Variants in EPHA10 observed in about 807,000 individuals in gnomAD.
EPHA10 encodes ephrin type-A receptor 10.
EPHA10 carries 120 observed loss-of-function variants against 109.7 expected under a neutral mutation model. The ratio of observed to expected loss-of-function variants is 1.09; its 90% CI spans 0.94 to 1.27. The LOEUF (loss-of-function observed/expected upper bound fraction) is 1.27. Ranked by LOEUF, EPHA10 falls within the 50% of genes most tolerant of loss-of-function variation. EPHA10 has a pLI of 0.00. For synonymous variants in EPHA10, 640 were observed against 618.9 expected, an observed-to-expected ratio of 1.03 and a Z score of -0.51; for missense variants, 1,396 against 1,411.1, an observed-to-expected ratio of 0.99 and a Z score of 0.17.
chr1:37,735,869 T>C (rs923258631), intron 5 of EPHA10, among the ~76,000 whole-genome samples: 2 of 152,124 alleles, frequency 1.3e-5, no homozygotes, highest in African/African-American at 4.8e-5. Flanking sequence ...AAAGGCCATA[T>C]ATGAAAAGCC....
At chr1:37,750,580 C>CTT (rs1224590675) in intron 5 of EPHA10, among the ~76,000 whole-genome samples, 2 of 141,836 alleles carry the variant, frequency 1.4e-5, no homozygotes, top group Admixed American at 7.1e-5. Flanking sequence ...CTGAATAAAA[C>CTT]TTTTTTTTTT....
intron 13 of EPHA10, 59 bp from the exon 14 acceptor site, chr1:37,720,117 C>A (rs887136142): frequency 2.5e-6 from 4 of 1,589,772 alleles, no homozygotes; most frequent in African/African-American, 1.3e-5. Flanking sequence ...GGTTTCCCCA[C>A]CCCACTGAGC....
intron 4 of EPHA10, among the ~76,000 whole-genome samples, chr1:37,753,773 G>A (rs955327916): frequency 3.9e-5 from 6 of 152,006 alleles, no homozygotes; most frequent in Non-Finnish European, 7.4e-5. Context: ...GGGGGCGTGG[G>A]GGCCCTTGGG....
rs1373780875 is a variant in EPHA10 at position 37,717,063 on chromosome 1, G to C, written c.*1309C>G. 7 of 155,662 alleles carry C rather than the reference G, an allele frequency of 4.5e-5. No homozygotes were observed. Among genetic ancestry groups the C allele is most frequent in the Non-Finnish European group, 8.2e-5 (6 of 72,762 alleles). The allele number at this position is 155,662 out of a possible 1,614,324, so 9.6% of individuals were successfully genotyped here. A position where few individuals can be genotyped will look rare whatever the true frequency, so the allele number is the denominator to read the frequency against. On this transcript the variant is annotated 3_prime_UTR_variant, in exon 17 of 17. Transcript: ENST00000373048. Reference sequence around the variant, plus strand: ...CACCAACACACAGCCAAGCAGAGCAGACAAGTGTCACGGGCGGCCTAAACA... The same window carrying C: ...CACCAACACACAGCCAAGCAGAGCACACAAGTGTCACGGGCGGCCTAAACA...
intron 7 of EPHA10, among the ~76,000 whole-genome samples, chr1:37,728,260 G>T (rs554864692): frequency 2.0e-5 from 3 of 152,266 alleles, no homozygotes; most frequent in South Asian, 2.1e-4. Flanking sequence ...GGAGGGAACT[G>T]GGGGAGCCAG....
intron 5 of EPHA10, among the ~76,000 whole-genome samples, chr1:37,745,847 C>A (rs369267697): frequency 7.9e-5 from 12 of 152,018 alleles, no homozygotes; most frequent in African/African-American, 2.9e-4. Flanking sequence ...AAGACTGTCT[C>A]AAAAAATACA....
intron 7 of EPHA10, among the ~76,000 whole-genome samples, chr1:37,728,860 C>A (rs1201968726): frequency 6.6e-6 from 1 of 152,004 alleles, no homozygotes; most frequent in Non-Finnish European, 1.5e-5. Context: ...AATAGAGTTG[C>A]CAAGAACTGT....
At chr1:37,738,952 G>A (rs1307256801) in intron 5 of EPHA10, among the ~76,000 whole-genome samples, 3 of 152,262 alleles carry the variant, frequency 2.0e-5, no homozygotes, top group East Asian at 3.9e-4. Flanking sequence ...GTTTTACAAT[G>A]AGATCACTTG....
At chr1:37,725,407 G>A (rs1289079287) in intron 8 of EPHA10, among the ~76,000 whole-genome samples, 1 of 150,274 alleles carries the variant, frequency 6.7e-6, no homozygotes, top group Non-Finnish European at 1.5e-5. Context: ...TCAGGAGGCC[G>A]AGGCAAAAGA....
rs778884079 is a variant in EPHA10, at chr1:37,718,355, G to C, written c.*17C>G. ...TGGACCCCCACCGGAGTCCTGCCTT[G>C]GAAGAATGGGGTCCACTCACACCTG... On this transcript the variant is annotated 3_prime_UTR_variant, in exon 17 of 17. Transcript: ENST00000373048. 4 of 1,581,138 alleles carry C rather than the reference G, an allele frequency of 2.5e-6. No homozygotes were observed.
chr1:37,730,784 C>T (rs1645969208), intron 7 of EPHA10, among the ~76,000 whole-genome samples: 1 of 151,944 alleles, frequency 6.6e-6, no homozygotes, highest in Non-Finnish European at 1.5e-5. Context: ...CTCTGCCTCC[C>T]GGTTTTAAGT....
Position 37,719,982 on chromosome 1 carries a change from C to T in EPHA10, c.2489G>A (p.Trp830Ter), listed in dbSNP as rs1348284690. The change falls in exon 14 of 17, where the codon TGG (tryptophan) becomes TAG (stop). Residue 830 changes from tryptophan to a stop codon, truncating the protein, a stop_gained. Transcript: ENST00000373048. LOFTEE classifies it high-confidence loss of function. ...CTCCCACATGATGATGCCGAAGCTC[C>T]ACACGTCACTGGCAGAGCTGAAGTG... is the stretch of plus-strand genomic sequence containing the variant. ...FGHFSSASDV[W>*]SFGIIMWEVM... 6.2e-7 allele frequency: 1 copy of T among 1,614,052 alleles called. No homozygotes were observed. The highest frequency in any genetic ancestry group is 1.7e-5 in the Admixed American group (1 of 60,026).
At chr1:37,762,159 T>A (rs1195388037) in intron 2 of EPHA10, 76 bp from the exon 3 acceptor site, 1 of 1,399,380 alleles carries the variant, frequency 7.1e-7, no homozygotes, top group Non-Finnish European at 9.7e-7. Flanking sequence ...CAGTGACTCC[T>A]GCTTTCTCTC....
At chr1:37,730,336 A>G (rs1250541940) in intron 7 of EPHA10, among the ~76,000 whole-genome samples, 2 of 152,132 alleles carry the variant, frequency 1.3e-5, no homozygotes, top group Non-Finnish European at 2.9e-5. Flanking sequence ...GGAAAGAATT[A>G]TTATCTTGAC....
chr1:37,755,476 G>T (rs1443367254), intron 3 of EPHA10, among the ~76,000 whole-genome samples: 1 of 152,152 alleles, frequency 6.6e-6, no homozygotes, highest in East Asian at 1.9e-4. Flanking sequence ...AGTCAGACCT[G>T]GTTCCAGTCT....
chr1:37,714,544 G>A (rs898513274), downstream of EPHA10, among the ~76,000 whole-genome samples: 2 of 152,148 alleles, frequency 1.3e-5, no homozygotes, highest in East Asian at 1.9e-4. Flanking sequence ...TCGCTGTTAC[G>A]GGTTGAATTG....
intron 5 of EPHA10, among the ~76,000 whole-genome samples, chr1:37,740,852 A>G (rs536146493): frequency 2.0e-5 from 3 of 152,214 alleles, no homozygotes; most frequent in Non-Finnish European, 4.4e-5. Context: ...AGGAGCCATG[A>G]TAAGGTGAAG....
At chr1:37,746,954 G>T (rs1646250634) in intron 5 of EPHA10, among the ~76,000 whole-genome samples, 1 of 152,218 alleles carries the variant, frequency 6.6e-6, no homozygotes. Context: ...GTTACCAAGA[G>T]CTAGAGGAGG....
intron 5 of EPHA10, 30 bp from the exon 6 acceptor site, chr1:37,735,420 C>T (rs1293146888): frequency 6.4e-7 from 1 of 1,568,360 alleles, no homozygotes; most frequent in Non-Finnish European, 8.6e-7. Context: ...GATTCTCCAC[C>T]TTGACCCACC....
Sources: gnomAD v4.1 joint callset for allele counts (sites outside exome capture counted in the v4.1 genomes callset) on GRCh38, gnomAD v4.1.1 for gene constraint, MANE v1.5 for transcripts, NCBI Gene and HGNC (gene_info 2026-07-23, HGNC 2026-07-21) for gene names.